CACNB4: variants seen among roughly 807,000 people sequenced by gnomAD.
CACNB4 encodes calcium voltage-gated channel auxiliary subunit beta 4.
Under a neutral mutation model 71.2 loss-of-function variants are expected in CACNB4, and 32 were observed. That is an observed-to-expected ratio of 0.45 (90% CI 0.34 to 0.60). The LOEUF (loss-of-function observed/expected upper bound fraction) is 0.60, where lower values mean the gene tolerates loss of function less well. CACNB4 is among the 20% of genes least tolerant of loss of function. CACNB4 has a pLI of 0.01. For missense variants in CACNB4, 464 were observed against 647.9 expected (o/e 0.72, Z 3.08); for synonymous variants, 231 against 236.9 (o/e 0.97, Z 0.23).
At chr2:151,983,413 C>T (rs2099875059) in intron 2 of CACNB4, among the ~76,000 whole-genome samples, 1 of 152,134 alleles carries the variant, frequency 6.6e-6, no homozygotes, top group South Asian at 2.1e-4. Context: ...AAGTCCAAAG[C>T]CTTTCCCCAA....
intron 12 of CACNB4, among the ~76,000 whole-genome samples, chr2:151,847,164 G>C (rs1268556808): frequency 6.8e-6 from 1 of 146,890 alleles, no homozygotes; most frequent in Non-Finnish European, 1.5e-5. Context: ...AGGATTAGTT[G>C]AGCCCAGAGG....
chr2:152,045,229 T>G (rs1423964568), intron 2 of CACNB4, among the ~76,000 whole-genome samples: 1 of 152,202 alleles, frequency 6.6e-6, no homozygotes, highest in Non-Finnish European at 1.5e-5. Flanking sequence ...TACCAGTGTT[T>G]ACAGCAGCGT....
chr2:152,005,948 C>T (rs1400315708), intron 2 of CACNB4, among the ~76,000 whole-genome samples: 1 of 152,200 alleles, frequency 6.6e-6, no homozygotes, highest in African/African-American at 2.4e-5. Context: ...GGCACATAGT[C>T]AGCATTCAAC....
chr2:152,052,086 T>C (rs1685464693), intron 2 of CACNB4, among the ~76,000 whole-genome samples: 1 of 138,384 alleles, frequency 7.2e-6, no homozygotes, highest in East Asian at 1.9e-4. Flanking sequence ...TTACATCCCA[T>C]TGAAAATACC....
chr2:151,896,829 A>C (rs1444228297), intron 2 of CACNB4, among the ~76,000 whole-genome samples: 1 of 152,228 alleles, frequency 6.6e-6, no homozygotes, highest in Non-Finnish European at 1.5e-5. Context: ...TATCTAATTT[A>C]GTCACAATAA....
chr2:151,841,048 G>A (rs1029905718), intron 13 of CACNB4, among the ~76,000 whole-genome samples: 6 of 152,176 alleles, frequency 3.9e-5, no homozygotes, highest in African/African-American at 7.2e-5. Flanking sequence ...TAAAGGACAC[G>A]TGCCACAGCC....
chr2:151,870,677 T>G, intron 7 of CACNB4, 66 bp from the exon 8 acceptor site: 6 of 1,317,798 alleles, frequency 4.6e-6, no homozygotes, highest in Non-Finnish European at 6.5e-6. Flanking sequence ...AGCCACAACA[T>G]TCATAATTTC....
intron 2 of CACNB4, among the ~76,000 whole-genome samples, chr2:152,038,952 A>G (rs1353212350): frequency 6.6e-6 from 1 of 152,174 alleles, no homozygotes; most frequent in Non-Finnish European, 1.5e-5. Context: ...AGAGCTCTGG[A>G]CGGATATAGA....
intron 2 of CACNB4, among the ~76,000 whole-genome samples, chr2:152,056,502 C>T (rs1685738765): frequency 6.6e-6 from 1 of 152,226 alleles, no homozygotes; most frequent in Non-Finnish European, 1.5e-5. Flanking sequence ...AACCACTGCA[C>T]TACTAGAAAC....
At chr2:151,979,276 A>T (rs2099874316) in intron 2 of CACNB4, among the ~76,000 whole-genome samples, 1 of 152,118 alleles carries the variant, frequency 6.6e-6, no homozygotes, top group Non-Finnish European at 1.5e-5. Context: ...GAATATATGG[A>T]CTAGCTCCCC....
intron 2 of CACNB4, among the ~76,000 whole-genome samples, chr2:151,946,824 A>AGG (rs765592877): frequency 4.3e-4 from 65 of 152,286 alleles, no homozygotes; most frequent in Admixed American, 7.2e-4. Context: ...ATTTCATACA[A>AGG]ATTTCAGTGA....
intron 2 of CACNB4, among the ~76,000 whole-genome samples, chr2:151,919,043 G>A (rs1214713628): frequency 6.6e-6 from 1 of 152,210 alleles, no homozygotes; most frequent in East Asian, 1.9e-4. Context: ...CAACCACAGG[G>A]GTAAGTTCTC....
chr2:151,964,440 G>A (rs2099870523), intron 2 of CACNB4, among the ~76,000 whole-genome samples: 1 of 152,168 alleles, frequency 6.6e-6, no homozygotes, highest in South Asian at 2.1e-4. Flanking sequence ...AGCAGATTAG[G>A]ATGTCATCAA....
At position 151,880,680 on chromosome 2, in the gene CACNB4, A is replaced by G; in HGVS notation, c.390+120T>C. ...TGACTAGATTTGGGAGGCTCAGCAAATTAAATCATGTACTGCACTGGCAGC... is the reference window on the plus strand; with the variant it reads ...TGACTAGATTTGGGAGGCTCAGCAAGTTAAATCATGTACTGCACTGGCAGC... On this transcript the variant is annotated intron_variant, in intron 4 of 13. Coordinates refer to ENST00000539935, the MANE Select transcript of CACNB4 (RefSeq NM_000726.5). 4 of 1,042,504 alleles carry G rather than the reference A, an allele frequency of 3.8e-6. No individual in the cohort carries two copies. The Admixed American group carries it at 1.0e-4, about 27-fold the overall frequency. 64.6% of individuals were successfully genotyped at this position (1,042,504 alleles called of 1,614,324 possible).
chr2:151,905,750 A>G (rs191597718), intron 2 of CACNB4, among the ~76,000 whole-genome samples: 90 of 152,350 alleles, frequency 5.9e-4, no homozygotes, highest in African/African-American at 2.1e-3. Context: ...TAAAGAGATC[A>G]ACCAGAAAGG....
At chr2:151,941,277 T>TTC (rs2099864156) in intron 2 of CACNB4, among the ~76,000 whole-genome samples, 1 of 57,346 alleles carries the variant, frequency 1.7e-5, no homozygotes, top group African/African-American at 6.1e-5. Context: ...AATGGTTAAT[T>TTC]TTTTTTTTTT....
intron 2 of CACNB4, among the ~76,000 whole-genome samples, chr2:152,044,523 GC>G (rs1685045146): frequency 6.6e-6 from 1 of 152,100 alleles, no homozygotes; most frequent in African/African-American, 2.4e-5. Context: ...CGGCCTTAAA[GC>G]AAATTATTAA....
chr2:151,873,791 A>G (rs989967859), intron 5 of CACNB4: 3 of 152,094 alleles, frequency 2.0e-5, no homozygotes, highest in Middle Eastern at 3.2e-3. Flanking sequence ...AAAATTTTAG[A>G]AAAAAAGGGA....
chr2:151,926,448 A>C (rs986878787), intron 2 of CACNB4, among the ~76,000 whole-genome samples: 1 of 152,218 alleles, frequency 6.6e-6, no homozygotes, highest in African/African-American at 2.4e-5. Flanking sequence ...AAGGGTGAAG[A>C]GAAGTAGAAG....
Sources: gnomAD v4.1 joint callset for allele counts (sites outside exome capture counted in the v4.1 genomes callset) on GRCh38, gnomAD v4.1.1 for gene constraint, MANE v1.5 for transcripts, NCBI Gene and HGNC (gene_info 2026-07-23, HGNC 2026-07-21) for gene names.